Variants in WASHC5 observed in about 807,000 individuals in gnomAD.
The protein encoded by WASHC5 is WASH complex subunit strumpellin.
Under a neutral mutation model 150.4 loss-of-function variants are expected in WASHC5, and 101 were observed. That is an observed-to-expected ratio of 0.67 (90% CI 0.57 to 0.79). WASHC5 has a LOEUF of 0.79. Among genes scored for constraint, WASHC5 ranks in the 30% least tolerant of loss-of-function variants. The probability of loss-of-function intolerance (pLI) is 0.00; values close to 1 mark genes in which losing one functional copy is unlikely to be tolerated. For synonymous variants in WASHC5, 467 were observed against 491.2 expected (o/e 0.95, Z 0.65); for missense variants, 1,195 against 1,396.3 (o/e 0.86, Z 2.30).
Position 125,073,133 on chromosome 8 carries a change from C to T in WASHC5, c.1150+20G>A. The stretch of plus-strand genomic sequence containing the variant: ...TCTTTATGTGGAGTAATATAAACGG[C>T]CACCCCTTTTGTGCATTACCTGAGT... On this transcript the variant is annotated intron_variant, in intron 9 of 28. Coordinates refer to ENST00000318410, the MANE Select transcript of WASHC5 (RefSeq NM_014846.4). The T allele has an allele frequency of 2.5e-6, 4 of 1,613,414 alleles. No individual in the cohort carries two copies. Among genetic ancestry groups the T allele is most frequent in the Non-Finnish European group, 3.4e-6 (4 of 1,179,402 alleles).
Position 125,049,287 on chromosome 8 carries a change from G to C in WASHC5, c.2200-102C>G. Reference sequence around the variant, plus strand: ...TTAAATAGTATAGCAGGCCAGATGCGGTGGCTCCCACCTGTAACCCCAGCA... The same window carrying C: ...TTAAATAGTATAGCAGGCCAGATGCCGTGGCTCCCACCTGTAACCCCAGCA... On this transcript the variant is annotated intron_variant, in intron 18 of 28. Transcript: ENST00000318410. 3 of 1,266,130 alleles carry C rather than the reference G, an allele frequency of 2.4e-6. No homozygotes were observed. The South Asian group carries it at 3.7e-5, about 16-fold the overall frequency. The allele number at this position is 1,266,130 out of a possible 1,614,324, so 78.4% of individuals were successfully genotyped here.
chr8:125,065,216 CTA>C (rs1399561776), intron 10 of WASHC5, among the ~76,000 whole-genome samples: 1 of 152,136 alleles, frequency 6.6e-6, no homozygotes, highest in African/African-American at 2.4e-5. Flanking sequence ...GAAAGTGACT[CTA>C]TGAACTGTGC....
intron 17 of WASHC5, among the ~76,000 whole-genome samples, chr8:125,051,404 A>C (rs10505451): frequency 0.11 from 16,620 of 152,248 alleles, 2,124 homozygotes; most frequent in African/African-American, 0.31. Context: ...CATAAAGGCA[A>C]TTAATGGGTT....
intron 10 of WASHC5, among the ~76,000 whole-genome samples, chr8:125,064,473 T>C (rs80328313): frequency 0.026 from 3,974 of 151,964 alleles, 182 homozygotes; most frequent in African/African-American, 0.092. Context: ...CCTCCCTCCT[T>C]GGTCTCCCAC....
chr8:125,039,826 G>A lies in WASHC5; in HGVS notation c.2923C>T (p.His975Tyr), dbSNP rs1815834466. ...LNYSCRFDSKHLAAALENLNK... is the reference protein window; with the variant it reads ...LNYSCRFDSKYLAAALENLNK... The stretch of plus-strand genomic sequence containing the variant: ...AGATTCTCCAGAGCAGCTGCCAGAT[G>A]TTTAGAATCAAACCGACAAGAATAA... Residue 975 changes from histidine (H) to tyrosine (Y), a missense_variant, in exon 24 of 29, where the codon CAT becomes TAT. Transcript: ENST00000318410. The A allele has an allele frequency of 6.2e-7, 1 of 1,613,642 alleles. No individual in the cohort carries two copies. The highest frequency in any genetic ancestry group is 8.5e-7 in the Non-Finnish European group (1 of 1,179,702).
chr8:125,070,284 C>T (rs1816860862), intron 9 of WASHC5, among the ~76,000 whole-genome samples: 1 of 152,254 alleles, frequency 6.6e-6, no homozygotes. Context: ...TAAGCAGTTG[C>T]TTTTCCCATG....
rs1480742142 is a variant in WASHC5 at position 125,083,240 on chromosome 8, T to C, written c.205A>G (p.Ser69Gly). The C allele has an allele frequency of 8.1e-6, 13 of 1,613,430 alleles. No homozygotes were observed. Among genetic ancestry groups the C allele is most frequent in the East Asian group, 2.2e-5 (1 of 44,782 alleles). ...SYFKGPELWE[S>G]KLDAKPELQD... ...AGCTCTGGCTTAGCATCCAGTTTGC[T>C]TTCCCATAATTCTGGACCCTGAGAA... The change falls in exon 3 of 29, where the codon AGC becomes GGC. Residue 69 changes from serine to glycine, a missense_variant. Physicochemically the swap from Ser to Gly is moderately conservative, Grantham distance 56 (BLOSUM62 0). Coordinates refer to ENST00000318410, the MANE Select transcript of WASHC5 (RefSeq NM_014846.4).
chr8:125,062,258 T>TATATAA (rs1414014882), intron 11 of WASHC5, among the ~76,000 whole-genome samples: 1 of 152,186 alleles, frequency 6.6e-6, no homozygotes, highest in Non-Finnish European at 1.5e-5. Flanking sequence ...AGTTTCCTTA[T>TATATAA]ATATAAAATA....
At chr8:125,055,024 C>T (rs1816366016) in intron 17 of WASHC5, among the ~76,000 whole-genome samples, 1 of 151,670 alleles carries the variant, frequency 6.6e-6, no homozygotes, top group Non-Finnish European at 1.5e-5. Flanking sequence ...TAAAACAGTA[C>T]TAGCACCACA....
chr8:125,044,023 C>A lies in WASHC5; in HGVS notation c.2739G>T (p.Met913Ile), dbSNP rs1219703480. Residue 913 changes from methionine (M) to isoleucine (I), a missense_variant, in exon 22 of 29, where the codon ATG becomes ATT. By Grantham distance (10) the Met-to-Ile change is conservative. Transcript: ENST00000318410. The part of the protein sequence containing the change: ...RTVQDTLKTL[M>I]NAVSPLKSIV... Reference sequence around the variant, plus strand: ...TACTTTTTAGGGGACTGACAGCATTCATGAGGGTTTTTAAAGTGTCCTGAA... The same window carrying A: ...TACTTTTTAGGGGACTGACAGCATTAATGAGGGTTTTTAAAGTGTCCTGAA... 1 of 1,613,624 alleles carries A rather than the reference C, an allele frequency of 6.2e-7. No individual in the cohort carries two copies. Among genetic ancestry groups the A allele is most frequent in the Non-Finnish European group, 8.5e-7 (1 of 1,179,680 alleles).
At chr8:125,059,600 T>G in intron 12 of WASHC5, 58 bp from the exon 13 acceptor site, 1 of 1,347,260 alleles carries the variant, frequency 7.4e-7, no homozygotes, top group East Asian at 2.3e-5. Flanking sequence ...TGGTGCTCAT[T>G]TGTTCTTGAA....
chr8:125,039,740 G>A (rs1040993525), intron 24 of WASHC5, 55 bp downstream of exon 24: 168 of 1,188,422 alleles, frequency 1.4e-4, no homozygotes, highest in Middle Eastern at 1.2e-3. Flanking sequence ...ACTGGGGTGC[G>A]TAGATAATAA....
intron 15 of WASHC5, 121 bp downstream of exon 15, chr8:125,057,435 G>C (rs1816442341): frequency 2.7e-6 from 2 of 731,142 alleles, no homozygotes; most frequent in African/African-American, 1.8e-5. Flanking sequence ...CAAATTTCTG[G>C]AATCAAATTT....
intron 28 of WASHC5, among the ~76,000 whole-genome samples, chr8:125,025,846 A>ACT (rs1815366687): frequency 6.6e-6 from 1 of 152,046 alleles, no homozygotes; most frequent in South Asian, 2.1e-4. Flanking sequence ...ACACACACAC[A>ACT]CACACACACA....
At chr8:125,063,774 T>C (rs1816670400) in intron 10 of WASHC5, 123 bp from the exon 11 acceptor site, 1 of 850,144 alleles carries the variant, frequency 1.2e-6, no homozygotes, top group Non-Finnish European at 1.9e-6. Context: ...TAAATTAACA[T>C]TGACCCTGAT....
chr8:125,050,828 TG>T (rs1341452541), intron 17 of WASHC5, among the ~76,000 whole-genome samples, 163 bp from the exon 18 acceptor site: 1 of 152,238 alleles, frequency 6.6e-6, no homozygotes, highest in Non-Finnish European at 1.5e-5. Context: ...TTGCACAGCT[TG>T]GATGGAATTA....
In WASHC5 at chr8:125,082,911, A is replaced by C. The variant is rs1817312020; in HGVS notation, c.332+202T>G. On this transcript the variant is annotated intron_variant, in intron 3 of 28. Transcript: ENST00000318410. Reference sequence around the variant, plus strand: ...TTAGTTAAACTAAGTTTATTACAACACCTCATAAGAGCAGGACATTATAGT... The same window carrying C: ...TTAGTTAAACTAAGTTTATTACAACCCCTCATAAGAGCAGGACATTATAGT... The C allele has an allele frequency of 1.9e-5, 9 of 478,300 alleles. No individual in the cohort carries two copies. The East Asian group carries it at 3.2e-4, about 17-fold the overall frequency. The allele number at this position is 478,300 out of a possible 1,614,324, so 29.6% of individuals were successfully genotyped here.
At chr8:125,025,525 T>C (rs994424787) in intron 28 of WASHC5, among the ~76,000 whole-genome samples, 21 of 151,944 alleles carry the variant, frequency 1.4e-4, no homozygotes, top group Admixed American at 6.6e-5. Flanking sequence ...CCATCTCTAC[T>C]GAAAATAAAA....
At chr8:125,051,744 G>A (rs766978051) in intron 17 of WASHC5, among the ~76,000 whole-genome samples, 29 of 152,142 alleles carry the variant, frequency 1.9e-4, no homozygotes, top group Non-Finnish European at 3.5e-4. Flanking sequence ...AAAATTAGTC[G>A]GGCGTGGTGG....
Sources: allele counts gnomAD v4.1 joint callset (sites outside exome capture counted in the v4.1 genomes callset), GRCh38; gene constraint gnomAD v4.1.1; transcripts MANE v1.5; gene names NCBI Gene and HGNC (gene_info 2026-07-23, HGNC 2026-07-21).